LRTM1: variants seen among roughly 807,000 people sequenced by gnomAD.
LRTM1 encodes the protein leucine-rich repeat and transmembrane domain-containing protein 1.
Under a neutral mutation model 32.4 loss-of-function variants are expected in LRTM1, and 38 were observed. The ratio of observed to expected loss-of-function variants is 1.17; its 90% CI spans 0.91 to 1.54. LRTM1 has a LOEUF of 1.54. LRTM1 is among the 40% of genes most tolerant of loss of function. The pLI is 0.00. For missense variants in LRTM1, 466 were observed against 415.4 expected (o/e 1.12, Z -1.06); for synonymous variants, 186 against 169.9 (o/e 1.09, Z -0.74).
chr3:54,918,622 G>C lies in LRTM1; in HGVS notation c.875C>G (p.Thr292Ser). ...LRHAIATVII[T>S]GVVCGIVCLM... ...ACACACAATCCCACACACAACGCCA[G>C]TGATGATGACAGTGGCAATGGCATG... The change falls in exon 3 of 3, where the codon ACT (threonine) becomes AGT (serine). Residue 292 changes from threonine to serine, a missense_variant. Thr to Ser is a moderately conservative substitution (Grantham distance 58, BLOSUM62 1). Coordinates refer to ENST00000273286, the MANE Select transcript of LRTM1 (RefSeq NM_020678.4). 1 of 1,614,194 alleles carries C rather than the reference G, an allele frequency of 6.2e-7. No individual in the cohort carries two copies. Among genetic ancestry groups the C allele is most frequent in the Non-Finnish European group, 8.5e-7 (1 of 1,180,030 alleles).
intron 1 of LRTM1, among the ~76,000 whole-genome samples, chr3:54,935,579 A>G (rs906328160): frequency 6.6e-6 from 1 of 152,182 alleles, no homozygotes; most frequent in South Asian, 2.1e-4. Context: ...CCCCAGGAAT[A>G]TAAATTGGAA....
intron 1 of LRTM1, among the ~76,000 whole-genome samples, chr3:54,959,727 T>C (rs143445765): frequency 6.6e-6 from 1 of 152,238 alleles, no homozygotes; most frequent in East Asian, 1.9e-4. Context: ...TTCTGAAAGG[T>C]TGAAAGGGTG....
At chr3:54,951,958 C>T (rs1701768688) in intron 1 of LRTM1, among the ~76,000 whole-genome samples, 1 of 152,170 alleles carries the variant, frequency 6.6e-6, no homozygotes, top group East Asian at 1.9e-4. Context: ...AAATGATTCT[C>T]CTGCCTCAGC....
rs138613673 is a variant in LRTM1, at chr3:54,956,573, C to T, written c.-222+10355G>A. ...GCCAAAAATACTTTCTCCCCCACTCCCTCTTCAACTGGTCTTAGGCTGTCA... is the reference window on the plus strand; with the variant it reads ...GCCAAAAATACTTTCTCCCCCACTCTCTCTTCAACTGGTCTTAGGCTGTCA... On this transcript the variant is annotated intron_variant, in intron 1 of 2. Transcript: ENST00000493075. 7.3e-3 allele frequency among the ~76,000 whole-genome samples: 1,104 copies of T among 152,274 alleles called. 7 individuals are homozygous for T. Among genetic ancestry groups the T allele is most frequent in the Non-Finnish European group, 0.012 (830 of 68,032 alleles).
At chr3:54,920,334 A>G in intron 2 of LRTM1, among the ~76,000 whole-genome samples, 1 of 152,188 alleles carries the variant, frequency 6.6e-6, no homozygotes, top group East Asian at 1.9e-4. Flanking sequence ...GGTGGCCCCA[A>G]CACACCAGGG....
At chr3:54,966,033 G>A (rs918804175) in intron 1 of LRTM1, among the ~76,000 whole-genome samples, 6 of 152,186 alleles carry the variant, frequency 3.9e-5, no homozygotes, top group African/African-American at 7.2e-5. Context: ...GACAGGGGCA[G>A]ATGAGAACAG....
intron 1 of LRTM1, among the ~76,000 whole-genome samples, chr3:54,951,101 A>G (rs928657171): frequency 3.3e-5 from 5 of 152,218 alleles, no homozygotes; most frequent in African/African-American, 1.2e-4. Flanking sequence ...GAACGCTCCA[A>G]CTATAATATC....
chr3:54,960,687 T>C (rs1702011057), intron 1 of LRTM1, among the ~76,000 whole-genome samples: 1 of 152,332 alleles, frequency 6.6e-6, no homozygotes, highest in South Asian at 2.1e-4. Flanking sequence ...TGCAGCTGCC[T>C]TCCCTTCCTT....
intron 1 of LRTM1, among the ~76,000 whole-genome samples, chr3:54,957,523 A>C (rs924836050): frequency 6.6e-6 from 1 of 152,216 alleles, no homozygotes; most frequent in Non-Finnish European, 1.5e-5. Context: ...AATATGTTTC[A>C]TTAAATAATT....
At chr3:54,946,654 G>A (rs1481247514) in intron 1 of LRTM1, among the ~76,000 whole-genome samples, 1 of 151,948 alleles carries the variant, frequency 6.6e-6, no homozygotes. Flanking sequence ...TGGAAGCTGG[G>A]TGCAAACCTG....
At chr3:54,964,864 C>T (rs1009188405) in intron 1 of LRTM1, among the ~76,000 whole-genome samples, 3 of 151,512 alleles carry the variant, frequency 2.0e-5, no homozygotes, top group Non-Finnish European at 4.4e-5. Context: ...ATCATTTTCA[C>T]GCTCAAGAAA....
chr3:54,930,770 C>T (rs1050892422), upstream of LRTM1, among the ~76,000 whole-genome samples: 1 of 152,180 alleles, frequency 6.6e-6, no homozygotes, highest in Non-Finnish European at 1.5e-5. Flanking sequence ...TACTTAAGTG[C>T]CTAGCACATA....
Position 54,927,067 on chromosome 3 carries a change from C to T in LRTM1, c.7+838G>A, listed in dbSNP as rs547104656. On this transcript the variant is annotated intron_variant, in intron 1 of 2. Coordinates refer to ENST00000273286, the MANE Select transcript of LRTM1 (RefSeq NM_020678.4). ...ATGAGCCACACAGTAATATCCAAAACTCAAAATAGTTATCTACTCAAAGTG... is the reference window on the plus strand; with the variant it reads ...ATGAGCCACACAGTAATATCCAAAATTCAAAATAGTTATCTACTCAAAGTG... Among the ~76,000 whole-genome samples the T allele has an allele frequency of 4.5e-4, 68 of 152,240 alleles. 3 individuals carry two copies. In the South Asian group the frequency reaches 0.014, roughly 31 times the overall value.
chr3:54,920,376 C>T (rs1040405691), intron 2 of LRTM1, among the ~76,000 whole-genome samples: 1 of 152,040 alleles, frequency 6.6e-6, no homozygotes, highest in Non-Finnish European at 1.5e-5. Flanking sequence ...AACCCATGTC[C>T]TTTTTGTTGC....
At position 54,918,636 on chromosome 3, in the gene LRTM1, G is replaced by A. The variant is rs767099510; in HGVS notation, c.861C>T (p.Ala287=). The change falls in exon 3 of 3, where the codon GCC becomes GCT. Residue 287 remains alanine, a synonymous_variant. Transcript: ENST00000273286. ...PRPANLRHAI[A]TVIITGVVCG... is the part of the protein sequence containing the mutation. ...ACACAACGCCAGTGATGATGACAGT[G>A]GCAATGGCATGACGCAGGTTGGCCG... is the stretch of plus-strand genomic sequence containing the variant. The A allele has an allele frequency of 8.1e-6, 13 of 1,614,056 alleles. No individual in the cohort carries two copies. The highest frequency in any genetic ancestry group is 1.1e-5 in the Non-Finnish European group (13 of 1,180,038).
intron 1 of LRTM1, among the ~76,000 whole-genome samples, chr3:54,959,596 G>A (rs1701982673): frequency 6.6e-6 from 1 of 152,056 alleles, no homozygotes; most frequent in South Asian, 2.1e-4. Context: ...TTATTAGGTG[G>A]TGACCTAATA....
At chr3:54,937,014 G>A (rs1285566306) in intron 1 of LRTM1, among the ~76,000 whole-genome samples, 1 of 152,140 alleles carries the variant, frequency 6.6e-6, no homozygotes, top group Admixed American at 6.5e-5. Flanking sequence ...GCCGCTGTGT[G>A]TGAGGAGGTG....
At chr3:54,924,528 T>C in intron 2 of LRTM1, 91 bp downstream of exon 2, 2 of 1,084,394 alleles carry the variant, frequency 1.8e-6, no homozygotes, top group Non-Finnish European at 1.3e-6. Context: ...CCTTACACAC[T>C]CCTCCACATT....
Position 54,918,654 on chromosome 3 carries a change from G to A in LRTM1, c.843C>T (p.Asn281=), listed in dbSNP as rs746582709. 4 of 1,614,168 alleles carry A rather than the reference G, an allele frequency of 2.5e-6. No homozygotes were observed. Among genetic ancestry groups the A allele is most frequent in the Non-Finnish European group, 3.4e-6 (4 of 1,180,036 alleles). ...CELKPKPRPA[N]LRHAIATVII... ...TGACAGTGGCAATGGCATGACGCAG[G>A]TTGGCCGGCCTTGGCTTGGGTTTGA... The change falls in exon 3 of 3, where the codon AAC becomes AAT. Residue 281 remains asparagine (N), a synonymous_variant. Transcript: ENST00000273286.
Sources: gnomAD v4.1 joint callset for allele counts (sites outside exome capture counted in the v4.1 genomes callset) on GRCh38, gnomAD v4.1.1 for gene constraint, MANE v1.5 for transcripts, NCBI Gene and HGNC (gene_info 2026-07-23, HGNC 2026-07-21) for gene names.